ULK1: variants seen among roughly 807,000 people sequenced by gnomAD.
ULK1 encodes the protein serine/threonine-protein kinase ULK1.
ULK1 carries 48 observed loss-of-function variants against 117.5 expected under a neutral mutation model. The ratio of observed to expected loss-of-function variants is 0.41; its 90% CI spans 0.32 to 0.52. ULK1 has a LOEUF of 0.52. Among genes scored for constraint, ULK1 ranks in the 20% least tolerant of loss-of-function variants. The pLI is 0.29. For synonymous variants in ULK1, 790 were observed against 637.8 expected (o/e 1.24, Z -3.60); for missense variants, 1,387 against 1,473.4 (o/e 0.94, Z 0.96).
At chr12:131,896,206 C>T (rs1888861644) in intron 3 of ULK1, among the ~76,000 whole-genome samples, 1 of 152,084 alleles carries the variant, frequency 6.6e-6, no homozygotes, top group African/African-American at 2.4e-5. Flanking sequence ...CTGCGGCCGG[C>T]ATTGGCCGGC....
chr12:131,896,307 G>A (rs1593256278), intron 3 of ULK1, among the ~76,000 whole-genome samples: 2 of 152,172 alleles, frequency 1.3e-5, no homozygotes, highest in South Asian at 4.1e-4. Context: ...GGCGGCTGCC[G>A]CTGGCTGGCC....
rs190419912 is a variant in ULK1, at chr12:131,896,623, G to T, written c.246+799G>T. 5.1e-3 allele frequency: 773 copies of T among 152,516 alleles called. 4 individuals are homozygous for T. The highest frequency in any genetic ancestry group is 0.014 in the Middle Eastern group (4 of 294). 9.4% of individuals were successfully genotyped at this position (152,516 alleles called of 1,614,324 possible). ...CTTTGCTGTGGCCTTGGGGACCGAGGCTTGTCACAAGGTGCCGGGTGGGGG... is the reference window on the plus strand; with the variant it reads ...CTTTGCTGTGGCCTTGGGGACCGAGTCTTGTCACAAGGTGCCGGGTGGGGG... On this transcript the variant is annotated intron_variant, in intron 3 of 27. Transcript: ENST00000321867.
intron 3 of ULK1, among the ~76,000 whole-genome samples, chr12:131,898,760 G>A (rs1888973554): frequency 6.6e-6 from 1 of 152,162 alleles, no homozygotes; most frequent in Non-Finnish European, 1.5e-5. Flanking sequence ...GCCTCCCAAA[G>A]TGGTGGGATT....
At chr12:131,910,549 C>A (rs1889486719) in intron 11 of ULK1, among the ~76,000 whole-genome samples, 163 bp from the exon 12 acceptor site, 2 of 152,096 alleles carry the variant, frequency 1.3e-5, no homozygotes, top group Admixed American at 1.3e-4. Context: ...TGCCCTGTGA[C>A]AGTCATAGGG....
At chr12:131,912,739 G>T (rs1477476814) in intron 13 of ULK1, among the ~76,000 whole-genome samples, 3 of 152,222 alleles carry the variant, frequency 2.0e-5, no homozygotes, top group Non-Finnish European at 4.4e-5. Flanking sequence ...ACCCGGGGAG[G>T]GCCTTGGTCC....
At position 131,906,618 on chromosome 12, in the gene ULK1, G is replaced by A. The variant is rs1050092342; in HGVS notation, c.247-274G>A. ...CACACACCTGGCCTTCACCCTTCCT[G>A]CTAGGGGGTATGTCCTCTGCCAGGA... On this transcript the variant is annotated intron_variant, in intron 3 of 27. Coordinates refer to ENST00000321867, the MANE Select transcript of ULK1 (RefSeq NM_003565.4). 11 of 532,048 alleles carry A rather than the reference G, an allele frequency of 2.1e-5. No individual in the cohort carries two copies. The African/African-American group carries it at 2.1e-4, about 10-fold the overall frequency. The allele number at this position is 532,048 out of a possible 1,614,324, so 33.0% of individuals were successfully genotyped here. A position where few individuals can be genotyped will look rare whatever the true frequency, so the allele number is the denominator to read the frequency against.
intron 26 of ULK1, chr12:131,920,851 G>T: frequency 1.9e-6 from 1 of 520,874 alleles, no homozygotes. Context: ...CTGACTGAGC[G>T]GCGGGCACTC....
At chr12:131,916,326 C>A in intron 19 of ULK1, 72 bp from the exon 20 acceptor site, 1 of 1,522,514 alleles carries the variant, frequency 6.6e-7, no homozygotes, top group South Asian at 1.3e-5. Flanking sequence ...CGGACTCGGC[C>A]CCTTCCCCAG....
In ULK1 at chr12:131,916,590, C is replaced by T. The variant is rs372546654; in HGVS notation, c.2071C>T (p.Arg691Trp). 239 of 1,575,146 alleles carry T rather than the reference C, an allele frequency of 1.5e-4. No homozygotes were observed. The highest frequency in any genetic ancestry group is 1.8e-4 in the Non-Finnish European group (214 of 1,167,222). The stretch of plus-strand genomic sequence containing the variant: ...CGAGGACCCCAAGGGCCCCTTTGGC[C>T]GGTGAGTTGAGGGGACAGGCCTTGG... ...PGEDPKGPFGRSFSTSRLTDL... is the reference protein window; with the variant it reads ...PGEDPKGPFGWSFSTSRLTDL... The change falls in exon 20 of 28, where the codon CGG becomes TGG. Residue 691 changes from arginine (R) to tryptophan (W), a missense_variant and splice_region_variant. By Grantham distance (101) the Arg-to-Trp change is moderately radical. This residue lies in a region of ULK1 where 900 missense variants were observed against 858.9 expected (regional missense o/e 1.05). Coordinates refer to ENST00000321867, the MANE Select transcript of ULK1 (RefSeq NM_003565.4).
chr12:131,916,570 A>G lies in ULK1; in HGVS notation c.2051A>G (p.Asp684Gly). ...GGCCCTGGCCTGCGGCCAGGCGAGG[A>G]CCCCAAGGGCCCCTTTGGCCGGTGA... ...PLGPGLRPGE[D>G]PKGPFGRSFS... Residue 684 changes from aspartate (D) to glycine (G), a missense_variant, in exon 20 of 28, where the codon GAC (aspartate) becomes GGC (glycine). By Grantham distance (94) the Asp-to-Gly change is moderately conservative (BLOSUM62 -1). Around this residue, in one of 4 missense-constraint regions of ULK1, gnomAD observed 900 missense variants for 858.9 expected, o/e 1.05. Transcript: ENST00000321867. 6.3e-7 allele frequency: 1 copy of G among 1,588,794 alleles called. No individual in the cohort carries two copies. Among genetic ancestry groups the G allele is most frequent in the Non-Finnish European group, 8.5e-7 (1 of 1,172,702 alleles).
chr12:131,918,389 C>T (rs777598698), intron 22 of ULK1, 108 bp from the exon 23 acceptor site: 318 of 1,349,418 alleles, frequency 2.4e-4, no homozygotes, highest in Middle Eastern at 1.8e-4. Flanking sequence ...AGGTGTAAAC[C>T]GAGGCAGAGG....
chr12:131,909,822 G>T lies in ULK1; in HGVS notation c.714G>T (p.Thr238=). The T allele has an allele frequency of 6.2e-7, 1 of 1,611,538 alleles. No homozygotes were observed. The highest frequency in any genetic ancestry group is 8.5e-7 in the Non-Finnish European group (1 of 1,179,410). ...GCCTGTTCTACGAGAAGAACAAGACGTTGGTCCCCACGTAAGCACCCTCCC... is the reference window on the plus strand; with the variant it reads ...GCCTGTTCTACGAGAAGAACAAGACTTTGGTCCCCACGTAAGCACCCTCCC... ...DLRLFYEKNK[T]LVPTIPRETS... is the part of the protein sequence containing the mutation. The change falls in exon 9 of 28, where the codon ACG becomes ACT. Residue 238 remains threonine (T), a synonymous_variant. Transcript: ENST00000321867.
intron 12 of ULK1, 80 bp from the exon 13 acceptor site, chr12:131,911,862 C>T: frequency 6.2e-7 from 1 of 1,600,928 alleles, no homozygotes; most frequent in Non-Finnish European, 8.5e-7. Flanking sequence ...GGGCTCTGGG[C>T]CATCCCAGGA....
Position 131,917,306 on chromosome 12 carries a change from GGGGA to G in ULK1, c.2183-103_2183-100del, listed in dbSNP as rs1566127140. 128 of 158,080 alleles carry G rather than the reference GGGGA, an allele frequency of 8.1e-4. 47 individuals carry two copies. The highest frequency in any genetic ancestry group is 1.2e-3 in the Non-Finnish European group (114 of 93,018). 9.8% of individuals were successfully genotyped at this position (158,080 alleles called of 1,614,324 possible). ...TCGGAGGCTGTGGGACGGGGGTTGG[GGGGA>G]GCTCGGAGGCCGTGGGATGGGGGTC... On this transcript the variant is annotated intron_variant, in intron 21 of 27. Transcript: ENST00000321867.
rs569199199 is a variant in ULK1, at chr12:131,921,414, C to G, written c.*53C>G. The G allele has an allele frequency of 6.3e-6, 10 of 1,597,742 alleles. No individual in the cohort carries two copies. Among genetic ancestry groups the G allele is most frequent in the Non-Finnish European group, 6.8e-6 (8 of 1,178,976 alleles). ...CCTGCCGAGCCCTGCAGAGTGGGCT[C>G]TGTGTGCTGGCTGGACTCCTCGGGA... On this transcript the variant is annotated 3_prime_UTR_variant, in exon 28 of 28. Coordinates refer to ENST00000321867, the MANE Select transcript of ULK1 (RefSeq NM_003565.4).
chr12:131,913,744 C>T lies in ULK1; in HGVS notation c.1158-3C>T. The T allele has an allele frequency of 5.3e-6, 8 of 1,522,880 alleles. No homozygotes were observed. The highest frequency in any genetic ancestry group is 1.3e-5 in the South Asian group (1 of 79,746). The allele number at this position is 1,522,880 out of a possible 1,614,324, so 94.3% of individuals were successfully genotyped here. On this transcript the variant is annotated splice_polypyrimidine_tract_variant and splice_region_variant and intron_variant, in intron 14 of 27. Transcript: ENST00000321867. The stretch of plus-strand genomic sequence containing the variant: ...TGCCCTTGGCCTCCCTTCTGCCCCA[C>T]AGGAGCTCACTGGTGGCCTCTGCGG...
chr12:131,917,341 C>T (rs879095363), intron 21 of ULK1, 70 bp from the exon 22 acceptor site: 120 of 921,754 alleles, frequency 1.3e-4, no homozygotes, highest in South Asian at 2.6e-4. Flanking sequence ...GGGTCGGGTT[C>T]GGCTCGGAGG....
chr12:131,895,009 C>G lies in ULK1; in HGVS notation c.8C>G (p.Pro3Arg). Residue 3 changes from proline (P) to arginine (R), a missense_variant, in exon 1 of 28, where the codon CCC (proline) becomes CGC (arginine). Pro to Arg is a moderately radical substitution (Grantham distance 103). Coordinates refer to ENST00000321867, the MANE Select transcript of ULK1 (RefSeq NM_003565.4). ...CCCCGGCCCGCCTGCGCCATGGAGC[C>G]CGGCCGCGGCGGCACAGAGACCGTG... ME[P>R]GRGGTETVGK... 6.6e-7 allele frequency: 1 copy of G among 1,509,748 alleles called. No individual in the cohort carries two copies. Among genetic ancestry groups the G allele is most frequent in the Non-Finnish European group, 8.8e-7 (1 of 1,138,498 alleles). 93.5% of individuals were successfully genotyped at this position (1,509,748 alleles called of 1,614,324 possible).
intron 11 of ULK1, 134 bp from the exon 12 acceptor site, chr12:131,910,578 C>G: frequency 6.3e-7 from 1 of 1,576,086 alleles, no homozygotes; most frequent in Non-Finnish European, 8.6e-7. Context: ...GAGGGAGCCT[C>G]CCTCCTTCCT....
Sources: gnomAD v4.1 joint callset for allele counts (sites outside exome capture counted in the v4.1 genomes callset) on GRCh38, gnomAD v4.1.1 for gene constraint, gnomAD v4.1.1 regional missense constraint, MANE v1.5 for transcripts, NCBI Gene and HGNC (gene_info 2026-07-23, HGNC 2026-07-21) for gene names.